Variants in SND1 observed in about 807,000 individuals in gnomAD.
SND1 encodes the protein staphylococcal nuclease and tudor domain containing 1.
Under a neutral mutation model 121.7 loss-of-function variants are expected in SND1, and 38 were observed. The observed-to-expected ratio is 0.31, with a 90% CI of 0.24 to 0.41. The LOEUF is 0.41. Among genes scored for constraint, SND1 ranks in the 10% least tolerant of loss-of-function variants. SND1 has a pLI of 1.00. For synonymous variants in SND1, 401 were observed against 447.4 expected (o/e 0.90, Z 1.31); for missense variants, 868 against 1,184.6 (o/e 0.73, Z 3.92).
intron 16 of SND1, among the ~76,000 whole-genome samples, chr7:128,039,579 C>G (rs557122808): frequency 6.6e-6 from 1 of 152,224 alleles, no homozygotes; most frequent in African/African-American, 2.4e-5. Context: ...TAGCCCCTTG[C>G]TGACAGATTT....
At chr7:128,087,146 T>TAAGAGACC in intron 21 of SND1, 95 bp downstream of exon 21, 1 of 900,734 alleles carries the variant, frequency 1.1e-6, no homozygotes, top group Non-Finnish European at 1.7e-6. Context: ...AGATGGAAAC[T>TAAGAGACC]ATGATGGTCT....
At chr7:127,854,664 A>G (rs1019939461) in intron 12 of SND1, among the ~76,000 whole-genome samples, 1 of 151,744 alleles carries the variant, frequency 6.6e-6, no homozygotes. Context: ...TTTATTTAGA[A>G]TAGTGTCATT....
At chr7:127,769,429 AC>A (rs1797476094) in intron 10 of SND1, among the ~76,000 whole-genome samples, 1 of 152,182 alleles carries the variant, frequency 6.6e-6, no homozygotes, top group South Asian at 2.1e-4. Flanking sequence ...GATTTCTTCT[AC>A]CTGGAGTATT....
chr7:127,790,928 C>T (rs915429742), intron 10 of SND1, among the ~76,000 whole-genome samples: 1 of 152,104 alleles, frequency 6.6e-6, no homozygotes, highest in Non-Finnish European at 1.5e-5. Context: ...GCTTGTTCAG[C>T]AAGCAGTTTG....
intron 10 of SND1, among the ~76,000 whole-genome samples, chr7:127,773,953 A>T (rs1388141785): frequency 6.6e-6 from 1 of 152,104 alleles, no homozygotes; most frequent in Non-Finnish European, 1.5e-5. Context: ...GTTGGAGGTG[A>T]TGCTGGTGTA....
intron 16 of SND1, among the ~76,000 whole-genome samples, chr7:128,072,509 A>G (rs1214394156): frequency 6.6e-6 from 1 of 152,006 alleles, no homozygotes; most frequent in Non-Finnish European, 1.5e-5. Flanking sequence ...AAGGCAAGCA[A>G]CCTCTCTGTT....
chr7:127,730,680 AGTTTG>A (rs775290458), intron 10 of SND1, among the ~76,000 whole-genome samples: 15 of 152,028 alleles, frequency 9.9e-5, no homozygotes, highest in Non-Finnish European at 1.9e-4. Context: ...TTCTCTACTC[AGTTTG>A]ATTTTTCTGG....
intron 16 of SND1, among the ~76,000 whole-genome samples, chr7:128,071,882 A>G (rs944328552): frequency 6.6e-6 from 1 of 152,218 alleles, no homozygotes; most frequent in Non-Finnish European, 1.5e-5. Context: ...CACTGTGCCC[A>G]AGGCCAGAGA....
intron 18 of SND1, among the ~76,000 whole-genome samples, chr7:128,082,327 G>A (rs1001816361): frequency 3.9e-5 from 6 of 152,228 alleles, no homozygotes; most frequent in African/African-American, 1.2e-4. Context: ...GGACAGAGGG[G>A]GCTAGAAGTG....
intron 14 of SND1, among the ~76,000 whole-genome samples, chr7:127,919,227 G>A (rs927012236): frequency 6.6e-5 from 10 of 152,052 alleles, no homozygotes; most frequent in African/African-American, 2.4e-4. Context: ...TGATTTTAAG[G>A]TAATTTTTAT....
At chr7:127,915,198 G>C (rs914278377) in intron 14 of SND1, among the ~76,000 whole-genome samples, 5 of 151,974 alleles carry the variant, frequency 3.3e-5, no homozygotes, top group Admixed American at 3.3e-4. Flanking sequence ...TTTTTTTGTA[G>C]AGATGGGGTT....
chr7:127,779,711 C>T (rs572649841), intron 10 of SND1, among the ~76,000 whole-genome samples: 1 of 152,312 alleles, frequency 6.6e-6, no homozygotes, highest in East Asian at 1.9e-4. Flanking sequence ...CATTGGCACA[C>T]CCACTGAGCA....
intron 11 of SND1, among the ~76,000 whole-genome samples, chr7:127,839,017 TA>T (rs770430639): frequency 6.6e-5 from 10 of 152,224 alleles, no homozygotes; most frequent in Non-Finnish European, 1.5e-4. Flanking sequence ...GCAGAGAAGT[TA>T]GGTCGCTTAT....
At chr7:127,988,683 G>A (rs1157638008) in intron 15 of SND1, among the ~76,000 whole-genome samples, 1 of 152,164 alleles carries the variant, frequency 6.6e-6, no homozygotes, top group African/African-American at 2.4e-5. Flanking sequence ...GGAGTAGAGT[G>A]GTACTCAGTA....
intron 10 of SND1, among the ~76,000 whole-genome samples, chr7:127,743,861 A>G (rs763184639): frequency 1.3e-5 from 2 of 152,186 alleles, no homozygotes; most frequent in Non-Finnish European, 2.9e-5. Flanking sequence ...CAAGGCAATC[A>G]TGGCTATGGT....
intron 13 of SND1, among the ~76,000 whole-genome samples, chr7:127,900,103 A>G (rs1414384055): frequency 6.6e-6 from 1 of 151,836 alleles, no homozygotes; most frequent in African/African-American, 2.4e-5. Flanking sequence ...TTTTTGTAAA[A>G]CTCTGTTGAA....
chr7:127,804,875 G>A (rs780619684), intron 10 of SND1, among the ~76,000 whole-genome samples: 3 of 152,120 alleles, frequency 2.0e-5, no homozygotes, highest in Non-Finnish European at 2.9e-5. Context: ...TAATCACAGA[G>A]CTACCCTCAG....
chr7:127,983,187 G>T (rs1417947465), intron 15 of SND1, among the ~76,000 whole-genome samples: 2 of 152,150 alleles, frequency 1.3e-5, no homozygotes, highest in Non-Finnish European at 2.9e-5. Context: ...AGGGTGGTAT[G>T]GGAAAGTATA....
intron 8 of SND1, among the ~76,000 whole-genome samples, chr7:127,706,467 C>T (rs1796202561): frequency 6.6e-6 from 1 of 151,982 alleles, no homozygotes; most frequent in South Asian, 2.1e-4. Context: ...ACCACGTTGG[C>T]CAGGATGGTC....
Sources: gnomAD v4.1 joint callset for allele counts (sites outside exome capture counted in the v4.1 genomes callset) on GRCh38, gnomAD v4.1.1 for gene constraint, MANE v1.5 for transcripts, NCBI Gene and HGNC (gene_info 2026-07-23, HGNC 2026-07-21) for gene names.